MALRD1: variants seen among roughly 807,000 people sequenced by gnomAD.
MALRD1 encodes the protein MAM and LDL receptor class A domain containing 1.
Under a neutral mutation model 242.1 loss-of-function variants are expected in MALRD1, and 247 were observed. The observed-to-expected ratio is 1.02, with a 90% confidence interval of 0.92 to 1.13. The LOEUF is 1.13. Among genes scored for constraint, MALRD1 ranks in the 50% most tolerant of loss-of-function variants. MALRD1 has a pLI of 0.00. For missense variants in MALRD1, 2,989 were observed against 2,533.1 expected (o/e 1.18, Z -3.86); for synonymous variants, 995 against 866.6 (o/e 1.15, Z -2.60).
chr10:19,507,362 TAAAG>T (rs1833189277), intron 31 of MALRD1, among the ~76,000 whole-genome samples: 2 of 152,184 alleles, frequency 1.3e-5, no homozygotes, highest in South Asian at 2.1e-4. Flanking sequence ...ATTTTCAAAA[TAAAG>T]GCGTTTAGAA....
intron 17 of MALRD1, among the ~76,000 whole-genome samples, chr10:19,207,455 A>G (rs915672826): frequency 2.0e-5 from 3 of 152,106 alleles, no homozygotes; most frequent in African/African-American, 4.8e-5. Flanking sequence ...TCCTATATAT[A>G]CTATGTTTTT....
chr10:19,686,269 C>A (rs759557711), intron 36 of MALRD1, among the ~76,000 whole-genome samples: 3 of 152,158 alleles, frequency 2.0e-5, no homozygotes, highest in Non-Finnish European at 4.4e-5. Context: ...TACATGTTGG[C>A]ATACTTCCAG....
At chr10:19,533,894 T>C (rs1174716071) in intron 32 of MALRD1, among the ~76,000 whole-genome samples, 1 of 152,168 alleles carries the variant, frequency 6.6e-6, no homozygotes, top group Non-Finnish European at 1.5e-5. Context: ...GTGACCTCAG[T>C]AGGGCCAATC....
chr10:19,102,188 T>C (rs1438557189), intron 4 of MALRD1, among the ~76,000 whole-genome samples: 1 of 150,394 alleles, frequency 6.6e-6, no homozygotes, highest in Non-Finnish European at 1.5e-5. Flanking sequence ...AAATATCTTT[T>C]GAATCAAACT....
chr10:19,668,886 A>G (rs1323166958), intron 36 of MALRD1, among the ~76,000 whole-genome samples: 3 of 152,182 alleles, frequency 2.0e-5, no homozygotes, highest in Non-Finnish European at 4.4e-5. Flanking sequence ...GAACAGAGAA[A>G]ATGGACCAGG....
chr10:19,662,264 A>G (rs1268236269), intron 36 of MALRD1, among the ~76,000 whole-genome samples: 2 of 152,180 alleles, frequency 1.3e-5, no homozygotes, highest in African/African-American at 4.8e-5. Flanking sequence ...AACAAAATGC[A>G]TACAGCAAAA....
chr10:19,160,811 C>A (rs552046479), intron 12 of MALRD1, among the ~76,000 whole-genome samples: 6 of 107,870 alleles, frequency 5.6e-5, no homozygotes, highest in Non-Finnish European at 1.1e-4. Flanking sequence ...TGGTGATATC[C>A]CCTTTATCAT....
chr10:19,682,017 T>G (rs1344535273), intron 36 of MALRD1, among the ~76,000 whole-genome samples: 3 of 152,072 alleles, frequency 2.0e-5, no homozygotes, highest in Non-Finnish European at 4.4e-5. Context: ...ATACCAACAT[T>G]TTATGGAATA....
intron 5 of MALRD1, among the ~76,000 whole-genome samples, chr10:19,117,082 G>A (rs1836895375): frequency 6.8e-6 from 1 of 147,162 alleles, no homozygotes; most frequent in African/African-American, 2.5e-5. Context: ...GCAACAGAGT[G>A]AGACTCTGTC....
At chr10:19,049,814 C>T (rs777737774) in intron 1 of MALRD1, among the ~76,000 whole-genome samples, 4 of 152,190 alleles carry the variant, frequency 2.6e-5, no homozygotes, top group Non-Finnish European at 5.9e-5. Context: ...TGGGAGAACA[C>T]TAAGGAACAG....
chr10:19,095,153 A>G (rs1203864112), intron 4 of MALRD1, among the ~76,000 whole-genome samples: 1 of 152,180 alleles, frequency 6.6e-6, no homozygotes, highest in Non-Finnish European at 1.5e-5. Flanking sequence ...ATTAAATTGG[A>G]TTCAATTTTA....
chr10:19,121,026 G>C (rs1006814218), intron 5 of MALRD1, among the ~76,000 whole-genome samples: 1 of 148,688 alleles, frequency 6.7e-6, no homozygotes, highest in African/African-American at 2.5e-5. Flanking sequence ...TTACAGGCGT[G>C]AGCCACTGTG....
chr10:19,679,487 G>C (rs1258293775), intron 36 of MALRD1, among the ~76,000 whole-genome samples: 4 of 152,066 alleles, frequency 2.6e-5, no homozygotes, highest in African/African-American at 9.7e-5. Flanking sequence ...TTGTATTTCT[G>C]TGGGTTCAGT....
intron 24 of MALRD1, among the ~76,000 whole-genome samples, 170 bp downstream of exon 24, chr10:19,331,752 T>TCATAATTCATTTACAAC (rs1353952202): frequency 6.6e-6 from 1 of 152,194 alleles, no homozygotes; most frequent in Non-Finnish European, 1.5e-5. Context: ...TCATTTATAA[T>TCATAATTCATTTACAAC]CATAATTCAT....
chr10:19,468,286 A>T (rs1836323933), intron 29 of MALRD1, among the ~76,000 whole-genome samples: 1 of 152,200 alleles, frequency 6.6e-6, no homozygotes, highest in South Asian at 2.1e-4. Context: ...TGACTGGGTG[A>T]TGCTTTTATT....
At chr10:19,293,315 G>A (rs1460315281) in intron 21 of MALRD1, among the ~76,000 whole-genome samples, 2 of 152,138 alleles carry the variant, frequency 1.3e-5, no homozygotes, top group Non-Finnish European at 2.9e-5. Flanking sequence ...ATGCAAGTAT[G>A]TAGTTATTTT....
intron 36 of MALRD1, among the ~76,000 whole-genome samples, chr10:19,630,832 A>T (rs556637813): frequency 6.6e-6 from 1 of 152,266 alleles, no homozygotes; most frequent in South Asian, 2.1e-4. Flanking sequence ...ATTTATATTG[A>T]CAAGTATTTG....
At chr10:19,686,302 G>A (rs1304885902) in intron 36 of MALRD1, among the ~76,000 whole-genome samples, 1 of 152,144 alleles carries the variant, frequency 6.6e-6, no homozygotes, top group African/African-American at 2.4e-5. Context: ...CTTCTCCCCT[G>A]ATTCTTCCCT....
intron 5 of MALRD1, among the ~76,000 whole-genome samples, chr10:19,106,106 G>A (rs1326022017): frequency 1.3e-5 from 2 of 151,772 alleles, no homozygotes; most frequent in African/African-American, 4.8e-5. Context: ...GTACATGTGA[G>A]TTTGTTACAT....
Sources: gnomAD v4.1 joint callset for allele counts (sites outside exome capture counted in the v4.1 genomes callset) on GRCh38, gnomAD v4.1.1 for gene constraint, MANE v1.5 for transcripts, NCBI Gene and HGNC (gene_info 2026-07-23, HGNC 2026-07-21) for gene names.